Variants in MYO1E observed in about 807,000 individuals in gnomAD.
The protein encoded by MYO1E is myosin IE, also known as unconventional myosin-Ie.
In MYO1E, 68 loss-of-function variants were observed where a neutral mutation model predicts 151.1. That is an observed-to-expected ratio of 0.45 (90% CI 0.37 to 0.55). MYO1E has a LOEUF of 0.55. Ranked by LOEUF, MYO1E falls within the 20% of genes least tolerant of loss-of-function variation. The probability of loss-of-function intolerance (pLI) is 0.00; values close to 1 mark genes in which losing one functional copy is unlikely to be tolerated. For synonymous variants in MYO1E, 601 were observed against 501.7 expected (o/e 1.20, Z -2.64); for missense variants, 1,363 against 1,389.3 (o/e 0.98, Z 0.30).
chr15:59,218,455 C>CT (rs1448582461), intron 9 of MYO1E, among the ~76,000 whole-genome samples: 1 of 152,220 alleles, frequency 6.6e-6, no homozygotes, highest in Non-Finnish European at 1.5e-5. Context: ...GGAACTCAAT[C>CT]AAGAAACATT....
At chr15:59,363,495 A>C (rs1478804655) in intron 1 of MYO1E, among the ~76,000 whole-genome samples, 3 of 152,260 alleles carry the variant, frequency 2.0e-5, no homozygotes, top group African/African-American at 7.2e-5. Flanking sequence ...ATGTGAAATA[A>C]TGAAAAAGTA....
chr15:59,288,281 T>G (rs560223495), intron 1 of MYO1E, among the ~76,000 whole-genome samples: 1 of 152,320 alleles, frequency 6.6e-6, no homozygotes, highest in Admixed American at 6.5e-5. Flanking sequence ...GCTCAAGTGA[T>G]TCTTCTGCCT....
At chr15:59,298,081 T>G (rs1332194651) in intron 1 of MYO1E, among the ~76,000 whole-genome samples, 1 of 152,234 alleles carries the variant, frequency 6.6e-6, no homozygotes, top group East Asian at 1.9e-4. Context: ...TTTCATCATT[T>G]GGTTAAGTAT....
intron 1 of MYO1E, among the ~76,000 whole-genome samples, chr15:59,327,585 G>A (rs548085734): frequency 6.6e-6 from 1 of 152,208 alleles, no homozygotes; most frequent in South Asian, 2.1e-4. Context: ...AAAGTATTGG[G>A]ATTGCAGGTA....
At position 59,145,132 on chromosome 15, in the gene MYO1E, C is replaced by T. The variant is rs145419219; in HGVS notation, c.3081-6765G>A. 1.8e-3 allele frequency among the ~76,000 whole-genome samples: 275 copies of T among 151,816 alleles called. 2 individuals are homozygous for T. Among genetic ancestry groups the T allele is most frequent in the African/African-American group, 5.5e-3 (229 of 41,396 alleles). ...TGCTGGGATTACAGGCGTGAGCCACCGCATCCGGCCAGGAATGACTTTCAA... is the reference window on the plus strand; with the variant it reads ...TGCTGGGATTACAGGCGTGAGCCACTGCATCCGGCCAGGAATGACTTTCAA... On this transcript the variant is annotated intron_variant, in intron 26 of 27. Coordinates refer to ENST00000288235, the MANE Select transcript of MYO1E (RefSeq NM_004998.4).
chr15:59,321,979 G>C (rs1237550978), intron 1 of MYO1E, among the ~76,000 whole-genome samples: 4 of 152,128 alleles, frequency 2.6e-5, no homozygotes, highest in African/African-American at 9.7e-5. Context: ...TTGGAGACTA[G>C]CCTGGCCAAC....
intron 1 of MYO1E, 145 bp from the exon 2 acceptor site, chr15:59,272,594 T>C: frequency 2.1e-6 from 2 of 941,534 alleles, no homozygotes; most frequent in Non-Finnish European, 3.3e-6. Flanking sequence ...ATCAATAAGA[T>C]GAGGATTCAA....
At chr15:59,239,035 G>A (rs915707054) in intron 4 of MYO1E, among the ~76,000 whole-genome samples, 1 of 150,714 alleles carries the variant, frequency 6.6e-6, no homozygotes, top group African/African-American at 2.4e-5. Flanking sequence ...GTGAATCCCC[G>A]TCTCTACTAA....
intron 18 of MYO1E, among the ~76,000 whole-genome samples, chr15:59,182,361 C>T (rs575278136): frequency 3.2e-4 from 48 of 152,150 alleles, no homozygotes; most frequent in South Asian, 2.7e-3. Context: ...TACAGGCACC[C>T]GGCACCATGC....
At chr15:59,337,967 T>C (rs1216651683) in intron 1 of MYO1E, among the ~76,000 whole-genome samples, 4 of 152,252 alleles carry the variant, frequency 2.6e-5, no homozygotes, top group East Asian at 1.9e-4. Context: ...GTGGCTAATA[T>C]GGTTAAATTA....
Position 59,224,819 on chromosome 15 carries a change from A to G in MYO1E, c.647T>C (p.Ile216Thr), listed in dbSNP as rs368853226. The G allele has an allele frequency of 2.5e-5, 40 of 1,614,116 alleles. No homozygotes were observed. Among genetic ancestry groups the G allele is most frequent in the Non-Finnish European group, 3.2e-5 (38 of 1,180,050 alleles). The change falls in exon 8 of 28, where the codon ATC (isoleucine) becomes ACC (threonine). Residue 216 changes from isoleucine (I) to threonine (T), a missense_variant. By Grantham distance (89) the Ile-to-Thr change is moderately conservative (BLOSUM62 -1). Transcript: ENST00000288235. ...ERSFHIFYQL[I>T]EGASAEQKHS... is the part of the protein sequence containing the mutation. ...TTTCTGCTCTGCAGAGGCGCCCTCG[A>G]TGAGCTGGAGCAAGAGAACACAGGT... is the stretch of plus-strand genomic sequence containing the variant.
intron 1 of MYO1E, among the ~76,000 whole-genome samples, chr15:59,318,522 C>T (rs74017729): frequency 4.6e-5 from 7 of 152,014 alleles, no homozygotes; most frequent in Non-Finnish European, 7.4e-5. Context: ...GAAAATCATA[C>T]AAGAGATTAA....
Position 59,135,858 on chromosome 15 carries a change from A to C in MYO1E, c.*1522T>G, listed in dbSNP as rs1566960869. ...TAGAGAAATGGCAGTCTCTACTTAC[A>C]ACCATTCCATTATTGATGGGCATTA... On this transcript the variant is annotated 3_prime_UTR_variant, in exon 28 of 28. Transcript: ENST00000288235. 1 of 152,204 alleles carries C rather than the reference A, an allele frequency of 6.6e-6. No homozygotes were observed. The highest frequency in any genetic ancestry group is 2.4e-5 in the African/African-American group (1 of 41,446). 9.4% of individuals were successfully genotyped at this position (152,204 alleles called of 1,614,324 possible). A position where few individuals can be genotyped will look rare whatever the true frequency, so the allele number is the denominator to read the frequency against.
At chr15:59,225,343 T>C (rs1274583057) in intron 7 of MYO1E, among the ~76,000 whole-genome samples, 1 of 152,230 alleles carries the variant, frequency 6.6e-6, no homozygotes, top group Non-Finnish European at 1.5e-5. Context: ...AACCCTTGCA[T>C]GGCTATTTTT....
Position 59,289,173 on chromosome 15 carries a change from C to G in MYO1E, c.4-16724G>C, listed in dbSNP as rs143010054. Reference sequence around the variant, plus strand: ...GAACTCGGGTCCTCTGACTCCCAGCCCAGCACTGTGCAGCTCTCTGCTTCC... The same window carrying G: ...GAACTCGGGTCCTCTGACTCCCAGCGCAGCACTGTGCAGCTCTCTGCTTCC... On this transcript the variant is annotated intron_variant, in intron 1 of 27. Transcript: ENST00000288235. Among the ~76,000 whole-genome samples, 1,102 of 152,290 alleles carry G rather than the reference C, an allele frequency of 7.2e-3. 10 individuals carry two copies. Among genetic ancestry groups the G allele is most frequent in the Non-Finnish European group, 0.011 (762 of 68,022 alleles).
chr15:59,372,089 G>T (rs2140448423), intron 1 of MYO1E, among the ~76,000 whole-genome samples: 1 of 150,092 alleles, frequency 6.7e-6, no homozygotes, highest in East Asian at 2.0e-4. Context: ...CGCGGGGAGG[G>T]CAGGGGACGC....
chr15:59,331,676 AT>A, intron 1 of MYO1E, among the ~76,000 whole-genome samples: 1 of 152,372 alleles, frequency 6.6e-6, no homozygotes, highest in Middle Eastern at 3.4e-3. Context: ...AACAACTTAT[AT>A]CCCTTCCACC....
chr15:59,287,602 G>A (rs1222614864), intron 1 of MYO1E, among the ~76,000 whole-genome samples: 2 of 152,144 alleles, frequency 1.3e-5, no homozygotes, highest in African/African-American at 2.4e-5. Context: ...CTCGGATGAC[G>A]CCATTTTGTG....
At chr15:59,232,024 A>G (rs1487909310) in intron 5 of MYO1E, among the ~76,000 whole-genome samples, 1 of 152,096 alleles carries the variant, frequency 6.6e-6, no homozygotes, top group Non-Finnish European at 1.5e-5. Context: ...CCCAGGAGCC[A>G]GGGCCCCACT....
Sources: allele counts gnomAD v4.1 joint callset (sites outside exome capture counted in the v4.1 genomes callset), GRCh38; gene constraint gnomAD v4.1.1; transcripts MANE v1.5; gene names NCBI Gene and HGNC (gene_info 2026-07-23, HGNC 2026-07-21).